The following DOCK10 variants were observed in gnomAD, a reference collection of about 807,000 sequenced individuals.
DOCK10 encodes dedicator of cytokinesis protein 10.
DOCK10 carries 145 observed loss-of-function variants against 280.1 expected under a neutral mutation model. The observed-to-expected ratio is 0.52, with a 90% CI of 0.45 to 0.59. The LOEUF is 0.59. Among genes scored for constraint, DOCK10 ranks in the 20% least tolerant of loss-of-function variants. DOCK10 has a pLI of 0.00. For synonymous variants in DOCK10, 915 were observed against 942.2 expected, an observed-to-expected ratio of 0.97 and a Z score of 0.53; for missense variants, 2,368 against 2,651.7, an observed-to-expected ratio of 0.89 and a Z score of 2.35.
intron 1 of DOCK10, among the ~76,000 whole-genome samples, chr2:225,035,545 TATATATATA>T (rs1690205002): frequency 7.8e-4 from 9 of 11,510 alleles, no homozygotes; most frequent in African/African-American, 2.8e-3. Context: ...ATATATATTA[TATATATATA>T]TATATATATA....
intron 1 of DOCK10, among the ~76,000 whole-genome samples, chr2:225,001,592 T>C (rs1403265978): frequency 6.6e-6 from 1 of 152,194 alleles, no homozygotes; most frequent in East Asian, 1.9e-4. Flanking sequence ...CTGGCCAGTA[T>C]ACAACAGACT....
intron 1 of DOCK10, among the ~76,000 whole-genome samples, chr2:225,024,742 T>G (rs1003255527): frequency 1.5e-5 from 2 of 132,542 alleles, no homozygotes; most frequent in African/African-American, 5.7e-5. Context: ...AAAAAAAAAT[T>G]TAGCCGGGCA....
intron 1 of DOCK10, among the ~76,000 whole-genome samples, chr2:225,005,554 A>ACTAAAACTGTATT (rs1706541975): frequency 6.6e-6 from 1 of 152,214 alleles, no homozygotes; most frequent in Admixed American, 6.5e-5. Flanking sequence ...TTCATTTTAA[A>ACTAAAACTGTATT]CTAAAACTGT....
chr2:224,986,489 G>A (rs1371053111), intron 1 of DOCK10, among the ~76,000 whole-genome samples: 2 of 152,126 alleles, frequency 1.3e-5, no homozygotes, highest in African/African-American at 2.4e-5. Context: ...AACCCTGAGC[G>A]CCAATGTGAC....
At chr2:224,791,839 AT>A (rs1360831830) in intron 47 of DOCK10, among the ~76,000 whole-genome samples, 1 of 152,168 alleles carries the variant, frequency 6.6e-6, no homozygotes, top group Non-Finnish European at 1.5e-5. Context: ...ATTTAAATGA[AT>A]AAGGGATGAA....
chr2:224,968,440 C>G (rs1704899328), intron 1 of DOCK10, among the ~76,000 whole-genome samples: 1 of 152,208 alleles, frequency 6.6e-6, no homozygotes, highest in Non-Finnish European at 1.5e-5. Context: ...CAGCCCCTCT[C>G]CCTAATTTCC....
At chr2:224,816,836 C>T (rs191816648) in intron 29 of DOCK10, 123 bp from the exon 30 acceptor site, 44 of 609,376 alleles carry the variant, frequency 7.2e-5, no homozygotes, top group East Asian at 4.3e-4. Flanking sequence ...ATACACTTGT[C>T]GGACCACTAG....
rs766421357 is a variant in DOCK10, at chr2:224,808,033, C to A, written c.3463G>T (p.Gly1155Ter). Residue 1155 changes from glycine (G) to a stop codon, truncating the protein, a stop_gained, in exon 32 of 56, where the codon GGA (glycine) becomes TGA (stop). Coordinates refer to ENST00000258390, the MANE Select transcript of DOCK10 (RefSeq NM_014689.3). LOFTEE classifies it high-confidence loss of function. ...NEFCRKHFLI[G>*]ILLREVGFAL... is the part of the protein sequence containing the mutation. ...AAGCCAACTTCTCGGAGCAGAATTC[C>A]GATTAAGAAGTGTTTGCGACAAAAT... 1.9e-6 allele frequency: 3 copies of A among 1,612,402 alleles called. No individual in the cohort carries two copies. Among genetic ancestry groups the A allele is most frequent in the Non-Finnish European group, 2.5e-6 (3 of 1,179,214 alleles).
At chr2:224,850,586 T>C (rs1229499865) in intron 18 of DOCK10, among the ~76,000 whole-genome samples, 2 of 152,176 alleles carry the variant, frequency 1.3e-5, no homozygotes, top group Admixed American at 6.5e-5. Context: ...CTGATTCCTT[T>C]AGAATGGCTT....
chr2:224,801,144 A>C (rs1160827317), intron 40 of DOCK10, among the ~76,000 whole-genome samples: 1 of 152,058 alleles, frequency 6.6e-6, no homozygotes, highest in Non-Finnish European at 1.5e-5. Flanking sequence ...GTTTCTTATC[A>C]GACTGAAAAA....
intron 13 of DOCK10, among the ~76,000 whole-genome samples, chr2:224,864,120 A>T (rs1697709378): frequency 6.6e-6 from 1 of 152,362 alleles, no homozygotes; most frequent in South Asian, 2.1e-4. Flanking sequence ...GCTTAAAAAA[A>T]TTTCTGGTGG....
At chr2:224,830,344 A>G (rs1695144980) in intron 27 of DOCK10, among the ~76,000 whole-genome samples, 197 bp downstream of exon 27, 1 of 151,872 alleles carries the variant, frequency 6.6e-6, no homozygotes, top group Admixed American at 6.6e-5. Context: ...CACTTCCAAT[A>G]TTGTCTTGGC....
In DOCK10 at chr2:224,816,630, T is replaced by G; in HGVS notation, c.3351A>C (p.Ser1117=). The G allele has an allele frequency of 1.2e-6, 2 of 1,600,254 alleles. No individual in the cohort carries two copies. ...HFIPLCLPIR[S]ANIPDPLTPS... The stretch of plus-strand genomic sequence containing the variant: ...GAATTTTATTACCTGGAATGTTTGC[T>G]GATCTTATGGGCAGACACAAAGGGA... The change falls in exon 30 of 56, where the codon TCA becomes TCC. Residue 1117 remains serine, a synonymous_variant. Transcript: ENST00000258390.
At chr2:224,779,788 C>A (rs111268911) in intron 50 of DOCK10, among the ~76,000 whole-genome samples, 2,836 of 152,204 alleles carry the variant, frequency 0.019, 44 homozygotes, top group Middle Eastern at 0.027. Context: ...AATTTTTATT[C>A]TAAGTGGGCT....
chr2:224,814,297 T>C, intron 31 of DOCK10, 23 bp downstream of exon 31: 1 of 1,474,392 alleles, frequency 6.8e-7, no homozygotes, highest in Non-Finnish European at 9.1e-7. Context: ...TTACTGATGC[T>C]TAGGTAAGGT....
intron 4 of DOCK10, among the ~76,000 whole-genome samples, chr2:224,889,583 G>C (rs1699536586): frequency 6.6e-6 from 1 of 152,154 alleles, no homozygotes; most frequent in African/African-American, 2.4e-5. Context: ...CTTTCTTCTT[G>C]TAGAGTCTTA....
intron 2 of DOCK10, among the ~76,000 whole-genome samples, chr2:224,929,792 C>T (rs999446986): frequency 2.6e-5 from 4 of 152,150 alleles, no homozygotes; most frequent in African/African-American, 9.7e-5. Context: ...CCTGCATCCT[C>T]CACTCTCTTT....
intron 1 of DOCK10, among the ~76,000 whole-genome samples, chr2:224,933,408 T>A (rs1462097611): frequency 6.6e-6 from 1 of 152,204 alleles, no homozygotes; most frequent in African/African-American, 2.4e-5. Context: ...TGTCTTTAAG[T>A]CATGGTATTT....
chr2:225,040,446 C>G (rs775450228), intron 1 of DOCK10, among the ~76,000 whole-genome samples: 1 of 151,414 alleles, frequency 6.6e-6, no homozygotes, highest in Non-Finnish European at 1.5e-5. Context: ...TTAAAGACAG[C>G]GAGCTTATTC....
Sources: allele counts gnomAD v4.1 joint callset (sites outside exome capture counted in the v4.1 genomes callset), GRCh38; gene constraint gnomAD v4.1.1; transcripts MANE v1.5; gene names NCBI Gene and HGNC (gene_info 2026-07-23, HGNC 2026-07-21).